Variants in PITRM1 observed in about 807,000 individuals in gnomAD.
PITRM1 encodes the protein pitrilysin metallopeptidase 1.
PITRM1 carries 100 observed loss-of-function variants against 129.9 expected under a neutral mutation model. That is an observed-to-expected ratio of 0.77 (90% CI 0.65 to 0.91). The LOEUF (loss-of-function observed/expected upper bound fraction) is 0.91, where lower values mean the gene tolerates loss of function less well. Among genes scored for constraint, PITRM1 ranks in the 40% least tolerant of loss-of-function variants. The probability of loss-of-function intolerance (pLI) is 0.00; values close to 1 mark genes in which losing one functional copy is unlikely to be tolerated. For synonymous variants in PITRM1, 591 were observed against 508.8 expected (o/e 1.16, Z -2.17); for missense variants, 1,471 against 1,318.3 (o/e 1.12, Z -1.79).
intron 22 of PITRM1, 127 bp from the exon 23 acceptor site, chr10:3,143,628 GCCATCTCAGGGGTC>G (rs1470597062): frequency 1.4e-6 from 1 of 729,448 alleles, no homozygotes; most frequent in African/African-American, 1.7e-5. Flanking sequence ...TGGGACTGGA[GCCATCTCAGGGGTC>G]CCATCTCCGT....
intron 14 of PITRM1, among the ~76,000 whole-genome samples, chr10:3,154,297 G>C (rs1253873505): frequency 6.6e-6 from 1 of 152,184 alleles, no homozygotes; most frequent in Non-Finnish European, 1.5e-5. Flanking sequence ...GCGGACGCCT[G>C]TTTTCATTTC....
At chr10:3,140,114 CA>C (rs1215386100) in intron 24 of PITRM1, among the ~76,000 whole-genome samples, 1 of 152,126 alleles carries the variant, frequency 6.6e-6, no homozygotes, top group African/African-American at 2.4e-5. Flanking sequence ...AGATTAGGTG[CA>C]GCAAGATATT....
At chr10:3,147,783 C>T (rs1342058773) in intron 18 of PITRM1, 46 bp from the exon 19 acceptor site, 12 of 1,506,598 alleles carry the variant, frequency 8.0e-6, no homozygotes, top group East Asian at 4.5e-5. Flanking sequence ...CCATTCCTCA[C>T]GTCCCTTCAG....
At chr10:3,146,511 A>G (rs1360506932) in intron 20 of PITRM1, 4 of 152,504 alleles carry the variant, frequency 2.6e-5, no homozygotes, top group Middle Eastern at 3.4e-3. Context: ...CCTGAGCCCA[A>G]TGCCAAGAGA....
rs1403260025 is a variant in PITRM1 at position 3,137,728 on chromosome 10, T to G, written c.*303A>C. ...CTTAAAATAATGACTCAAGCAGAGG[T>G]TAAGTCAGAGTTGCCCTTTATTTTT... On this transcript the variant is annotated 3_prime_UTR_variant, in exon 27 of 27. Coordinates refer to ENST00000224949, the MANE Select transcript of PITRM1 (RefSeq NM_014889.4). 46 of 415,772 alleles carry G rather than the reference T, an allele frequency of 1.1e-4. No homozygotes were observed. The highest frequency in any genetic ancestry group is 1.6e-4 in the Non-Finnish European group (35 of 214,648). 25.8% of individuals were successfully genotyped at this position (415,772 alleles called of 1,614,324 possible). A position where few individuals can be genotyped will look rare whatever the true frequency, so the allele number is the denominator to read the frequency against.
In PITRM1 at chr10:3,138,009, T is replaced by C. The variant is rs1482914604; in HGVS notation, c.*22A>G. ...GGAGGTGTATTGTCTCGGGCTCCTG[T>C]GCAGTCGAGCGCCACGGCTGCTCAT... On this transcript the variant is annotated 3_prime_UTR_variant, in exon 27 of 27. Transcript: ENST00000224949. The C allele has an allele frequency of 2.8e-6, 4 of 1,443,010 alleles. No homozygotes were observed. Among genetic ancestry groups the C allele is most frequent in the Non-Finnish European group, 3.9e-6 (4 of 1,034,878 alleles). 89.4% of individuals were successfully genotyped at this position (1,443,010 alleles called of 1,614,324 possible). A position where few individuals can be genotyped will look rare whatever the true frequency, so the allele number is the denominator to read the frequency against.
Position 3,148,516 on chromosome 10 carries a change from G to A in PITRM1, c.1872-225C>T, listed in dbSNP as rs549599641. The A allele has an allele frequency of 1.5e-5, 8 of 519,902 alleles. No individual in the cohort carries two copies. In the South Asian group the frequency reaches 2.2e-4, roughly 15 times the overall value. The allele number at this position is 519,902 out of a possible 1,614,324, so 32.2% of individuals were successfully genotyped here. A position where few individuals can be genotyped will look rare whatever the true frequency, so the allele number is the denominator to read the frequency against. ...GACCCCAGTTTCTCCCGCCTAGGAAGTTAGCGTCCAGAGGCACAAGACACT... is the reference window on the plus strand; with the variant it reads ...GACCCCAGTTTCTCCCGCCTAGGAAATTAGCGTCCAGAGGCACAAGACACT... On this transcript the variant is annotated intron_variant, in intron 16 of 26. Transcript: ENST00000224949.
Position 3,146,021 on chromosome 10 carries a change from G to A in PITRM1, c.2337-305C>T, listed in dbSNP as rs146874770. The stretch of plus-strand genomic sequence containing the variant: ...CAGAGACTATTAAGATCTGCTAACC[G>A]TGCCTTCGGAATTACACTATCAAAA... On this transcript the variant is annotated intron_variant, in intron 20 of 26. Coordinates refer to ENST00000224949, the MANE Select transcript of PITRM1 (RefSeq NM_014889.4). 67 of 311,774 alleles carry A rather than the reference G, an allele frequency of 2.1e-4. No individual in the cohort carries two copies. The East Asian group carries it at 3.9e-3, about 18-fold the overall frequency. The allele number at this position is 311,774 out of a possible 1,614,324, so 19.3% of individuals were successfully genotyped here. A position where few individuals can be genotyped will look rare whatever the true frequency, so the allele number is the denominator to read the frequency against.
chr10:3,144,615 C>T (rs1840654328), intron 21 of PITRM1, among the ~76,000 whole-genome samples: 1 of 152,052 alleles, frequency 6.6e-6, no homozygotes, highest in Admixed American at 6.5e-5. Flanking sequence ...CCAGCCTGGG[C>T]AATGTAGTGA....
chr10:3,159,368 C>T (rs1381840034), intron 9 of PITRM1, among the ~76,000 whole-genome samples: 1 of 152,228 alleles, frequency 6.6e-6, no homozygotes, highest in Non-Finnish European at 1.5e-5. Flanking sequence ...GTGCCAGCCA[C>T]GGAGCTGCAG....
chr10:3,151,138 GTGTTTCAGGGAAAACC>G, intron 15 of PITRM1, 93 bp downstream of exon 15: 1 of 715,294 alleles, frequency 1.4e-6, no homozygotes, highest in Non-Finnish European at 2.6e-6. Flanking sequence ...GGCTGCTCAA[GTGTTTCAGGGAAAACC>G]TCCAAGACAT....
In PITRM1 at chr10:3,155,728, T is replaced by C. The variant is rs1433438220; in HGVS notation, c.1484A>G (p.Asn495Ser). 6.2e-7 allele frequency: 1 copy of C among 1,613,748 alleles called. No homozygotes were observed. The highest frequency in any genetic ancestry group is 8.5e-7 in the Non-Finnish European group (1 of 1,179,866). ...LQEKVKQYFKNNQHKLTLSMR... is the reference protein window; with the variant it reads ...LQEKVKQYFKSNQHKLTLSMR... ...CGATAAAGTCAGCTTATGCTGGTTATTCTGCAGCAATCACAGCAACAACAA... is the reference window on the plus strand; with the variant it reads ...CGATAAAGTCAGCTTATGCTGGTTACTCTGCAGCAATCACAGCAACAACAA... The change falls in exon 14 of 27, where the codon AAT becomes AGT. Residue 495 changes from asparagine (N) to serine (S), a missense_variant and splice_region_variant. By Grantham distance (46) the Asn-to-Ser change is conservative (BLOSUM62 1). Transcript: ENST00000224949.
At chr10:3,156,195 G>C (rs1019587158) in intron 13 of PITRM1, among the ~76,000 whole-genome samples, 1 of 152,150 alleles carries the variant, frequency 6.6e-6, no homozygotes, top group African/African-American at 2.4e-5. Context: ...TAAGTTATTA[G>C]AACAAAATAC....
At position 3,165,527 on chromosome 10, in the gene PITRM1, G is replaced by A. The variant is rs1014941321; in HGVS notation, c.419C>T (p.Ala140Val). The A allele has an allele frequency of 6.6e-7, 1 of 1,513,202 alleles. No individual in the cohort carries two copies. Among genetic ancestry groups the A allele is most frequent in the Non-Finnish European group, 9.2e-7 (1 of 1,090,312 alleles). The allele number at this position is 1,513,202 out of a possible 1,614,324, so 93.7% of individuals were successfully genotyped here. A position where few individuals can be genotyped will look rare whatever the true frequency, so the allele number is the denominator to read the frequency against. ...AAATGGATACAGAGTATAATCACTA[G>A]CTGGGTACAAATGAAAAGTGAAATT... The part of the protein sequence containing the change: ...SLSTFMNAFT[A>V]SDYTLYPFST... Residue 140 changes from alanine to valine, a missense_variant and splice_region_variant, in exon 5 of 27, where the codon GCT becomes GTT. By Grantham distance (64) the Ala-to-Val change is moderately conservative. Coordinates refer to ENST00000224949, the MANE Select transcript of PITRM1 (RefSeq NM_014889.4).
In PITRM1 at chr10:3,170,024, T is replaced by G. The variant is rs565043651; in HGVS notation, c.159+80A>C. On this transcript the variant is annotated intron_variant, in intron 2 of 26. Transcript: ENST00000224949. ...AGGACAAAAACGCTAGTCTCCGCCC[T>G]GAAGGGCTCCGTACATAGGCCAGAA... is the stretch of plus-strand genomic sequence containing the variant. The G allele has an allele frequency of 3.8e-6, 4 of 1,065,884 alleles. No homozygotes were observed. The South Asian group carries it at 5.4e-5, about 14-fold the overall frequency. The allele number at this position is 1,065,884 out of a possible 1,614,324, so 66.0% of individuals were successfully genotyped here.
rs1343247119 is a variant in PITRM1 at position 3,143,721 on chromosome 10, T to G, written c.2533-220A>C. 4 of 704,716 alleles carry G rather than the reference T, an allele frequency of 5.7e-6. No homozygotes were observed. In the East Asian group the frequency reaches 1.1e-4, roughly 19 times the overall value. 43.7% of individuals were successfully genotyped at this position (704,716 alleles called of 1,614,324 possible). A position where few individuals can be genotyped will look rare whatever the true frequency, so the allele number is the denominator to read the frequency against. On this transcript the variant is annotated intron_variant, in intron 22 of 26. Transcript: ENST00000224949. ...CAGTTCCGTCACTCCACACAATTTC[T>G]CACTGTAAAACTGACATGAAGTCCT...
chr10:3,146,211 A>G (rs567447434), intron 20 of PITRM1: 1 of 163,408 alleles, frequency 6.1e-6, no homozygotes, highest in East Asian at 1.8e-4. Context: ...ACTATCATAT[A>G]AAAGCTACTT....
intron 13 of PITRM1, among the ~76,000 whole-genome samples, chr10:3,156,126 C>T (rs147173488): frequency 2.6e-5 from 4 of 152,232 alleles, no homozygotes; most frequent in Non-Finnish European, 5.9e-5. Context: ...TTTTGTCTAG[C>T]GTTCATTCTA....
chr10:3,162,867 G>A (rs534196518), intron 7 of PITRM1, among the ~76,000 whole-genome samples: 3 of 152,344 alleles, frequency 2.0e-5, no homozygotes, highest in East Asian at 1.9e-4. Context: ...GTGGGACCCC[G>A]TGCAACAAAC....
Sources: gnomAD v4.1 joint callset for allele counts (sites outside exome capture counted in the v4.1 genomes callset) on GRCh38, gnomAD v4.1.1 for gene constraint, MANE v1.5 for transcripts, NCBI Gene and HGNC (gene_info 2026-07-23, HGNC 2026-07-21) for gene names.